The following PXDNL variants were observed in gnomAD, a reference collection of about 807,000 sequenced individuals.
The protein encoded by PXDNL is peroxidasin like.
A neutral mutation model predicts 150.8 loss-of-function variants in PXDNL; 145 were observed. That is an observed-to-expected ratio of 0.96 (90% CI 0.84 to 1.10). The LOEUF is 1.10. PXDNL is among the 50% of genes least tolerant of loss of function. The pLI is 0.00. For synonymous variants in PXDNL, 757 were observed against 725.7 expected (o/e 1.04, Z -0.69); for missense variants, 2,087 against 1,873.9 (o/e 1.11, Z -2.10).
chr8:51,688,524 G>A (rs1815922072), intron 1 of PXDNL, among the ~76,000 whole-genome samples: 1 of 152,072 alleles, frequency 6.6e-6, no homozygotes, highest in African/African-American at 2.4e-5. Context: ...GTGACCCTGT[G>A]GACTGCGGCC....
At chr8:51,565,534 C>G (rs1812808211) in intron 3 of PXDNL, among the ~76,000 whole-genome samples, 1 of 151,230 alleles carries the variant, frequency 6.6e-6, no homozygotes, top group African/African-American at 2.4e-5. Flanking sequence ...TCGTTTTTTA[C>G]TATTAAGTAC....
chr8:51,617,096 C>T (rs928473879), intron 2 of PXDNL, among the ~76,000 whole-genome samples: 27 of 152,152 alleles, frequency 1.8e-4, no homozygotes, highest in African/African-American at 5.1e-4. Flanking sequence ...GAGAATAGAC[C>T]GTTAACAGGG....
chr8:51,749,921 G>A (rs1036452771), intron 1 of PXDNL, among the ~76,000 whole-genome samples: 1 of 151,962 alleles, frequency 6.6e-6, no homozygotes, highest in African/African-American at 2.4e-5. Flanking sequence ...GGATGGTCTC[G>A]ATCTTCTGAC....
At chr8:51,424,081 G>A (rs1432504666) in intron 13 of PXDNL, among the ~76,000 whole-genome samples, 2 of 152,074 alleles carry the variant, frequency 1.3e-5, no homozygotes, top group African/African-American at 2.4e-5. Context: ...AACTACATTT[G>A]GTCGGGCACA....
chr8:51,565,956 T>C (rs1264154331), intron 3 of PXDNL, among the ~76,000 whole-genome samples: 1 of 151,896 alleles, frequency 6.6e-6, no homozygotes. Context: ...TTTTTGGATC[T>C]TCTTTATTGA....
chr8:51,366,445 G>T (rs751611816), intron 19 of PXDNL, among the ~76,000 whole-genome samples: 1 of 151,822 alleles, frequency 6.6e-6, no homozygotes, highest in Admixed American at 6.6e-5. Context: ...CTCTGAGCCT[G>T]CTCTGGCTCA....
At chr8:51,482,728 C>T (rs1424164032) in intron 6 of PXDNL, among the ~76,000 whole-genome samples, 1 of 152,200 alleles carries the variant, frequency 6.6e-6, no homozygotes, top group African/African-American at 2.4e-5. Context: ...GCTCTCTTGC[C>T]TGCCACCATG....
chr8:51,668,098 A>T (rs1815423673), intron 1 of PXDNL, among the ~76,000 whole-genome samples: 1 of 151,354 alleles, frequency 6.6e-6, no homozygotes, highest in East Asian at 1.9e-4. Flanking sequence ...AGAGCCGACC[A>T]GCTGGGTATT....
At chr8:51,624,545 T>TTTG (rs533129137) in intron 2 of PXDNL, among the ~76,000 whole-genome samples, 326 of 152,036 alleles carry the variant, frequency 2.1e-3, no homozygotes, top group African/African-American at 6.9e-3. Flanking sequence ...AGAAATAATA[T>TTTG]TTTCTAAAAC....
intron 22 of PXDNL, among the ~76,000 whole-genome samples, chr8:51,320,282 A>G (rs1805278126): frequency 6.6e-6 from 1 of 152,232 alleles, no homozygotes; most frequent in Non-Finnish European, 1.5e-5. Flanking sequence ...GAGGAAGTTC[A>G]TGCATTTCTA....
intron 1 of PXDNL, among the ~76,000 whole-genome samples, chr8:51,668,991 T>TA (rs1261188033): frequency 6.6e-6 from 1 of 152,158 alleles, no homozygotes; most frequent in African/African-American, 2.4e-5. Flanking sequence ...AAATATTAAT[T>TA]AAAATAAGTA....
chr8:51,710,544 T>G (rs1816477896), intron 1 of PXDNL, among the ~76,000 whole-genome samples: 1 of 152,164 alleles, frequency 6.6e-6, no homozygotes, highest in Non-Finnish European at 1.5e-5. Flanking sequence ...TCTCCTGAAC[T>G]TATTTCTCCT....
chr8:51,520,363 G>A (rs751434988), intron 4 of PXDNL, among the ~76,000 whole-genome samples: 1 of 151,606 alleles, frequency 6.6e-6, no homozygotes, highest in Non-Finnish European at 1.5e-5. Flanking sequence ...CTTTGAATAT[G>A]TGGACTGGAA....
At chr8:51,660,991 C>T (rs1264529164) in intron 1 of PXDNL, among the ~76,000 whole-genome samples, 2 of 152,168 alleles carry the variant, frequency 1.3e-5, no homozygotes, top group African/African-American at 4.8e-5. Context: ...GGGACACTGT[C>T]GGGACACTGC....
intron 2 of PXDNL, among the ~76,000 whole-genome samples, chr8:51,607,593 C>A (rs887028350): frequency 6.6e-6 from 1 of 151,594 alleles, no homozygotes. Context: ...GTAATCCCAG[C>A]ACTTTGGGAG....
chr8:51,502,667 T>G (rs78820801), intron 4 of PXDNL, among the ~76,000 whole-genome samples: 62 of 61,564 alleles, frequency 1.0e-3, no homozygotes, highest in Non-Finnish European at 1.6e-3. Flanking sequence ...AGTAGAAGTG[T>G]TTTTTTTTTT....
chr8:51,492,356 C>T (rs1420388201), intron 5 of PXDNL, among the ~76,000 whole-genome samples: 4 of 152,072 alleles, frequency 2.6e-5, no homozygotes, highest in South Asian at 2.1e-4. Flanking sequence ...CCAGCATGAG[C>T]GACACAGAAG....
chr8:51,541,729 G>A (rs1812220939), intron 4 of PXDNL, among the ~76,000 whole-genome samples: 1 of 152,044 alleles, frequency 6.6e-6, no homozygotes, highest in African/African-American at 2.4e-5. Context: ...GCTGGTCTCT[G>A]GTTGGGAACC....
At chr8:51,505,489 T>C (rs1270019330) in intron 4 of PXDNL, among the ~76,000 whole-genome samples, 3 of 152,168 alleles carry the variant, frequency 2.0e-5, no homozygotes, top group African/African-American at 7.2e-5. Context: ...AACTGCACAA[T>C]CAAAATAGCA....
Sources: gnomAD v4.1 joint callset for allele counts (sites outside exome capture counted in the v4.1 genomes callset) on GRCh38, gnomAD v4.1.1 for gene constraint, MANE v1.5 for transcripts, NCBI Gene and HGNC (gene_info 2026-07-23, HGNC 2026-07-21) for gene names.